Variants in CCT3 observed in about 807,000 individuals in gnomAD.
The protein encoded by CCT3 is T-complex protein 1 subunit gamma.
Under a neutral mutation model 65.3 loss-of-function variants are expected in CCT3, and 10 were observed. The ratio of observed to expected loss-of-function variants is 0.15; its 90% CI spans 0.09 to 0.26. The LOEUF (loss-of-function observed/expected upper bound fraction) is 0.26. Among genes scored for constraint, CCT3 ranks in the 10% least tolerant of loss-of-function variants. CCT3 has a pLI of 1.00. For synonymous variants in CCT3, 225 were observed against 242.3 expected (o/e 0.93, Z 0.66); for missense variants, 626 against 708.7 (o/e 0.88, Z 1.33).
Position 156,322,524 on chromosome 1 carries a change from A to T in CCT3, c.423-1499T>A, listed in dbSNP as rs1008720097. On this transcript the variant is annotated intron_variant, in intron 6 of 13. Coordinates refer to ENST00000295688, the MANE Select transcript of CCT3 (RefSeq NM_005998.5). ...CCAAAAAAATTTTTTTAATAAGATT[A>T]AAGTGTTCTAGGTAGGCAGTTATTA... 2.0e-5 allele frequency among the ~76,000 whole-genome samples: 3 copies of T among 152,010 alleles called. No homozygotes were observed. The East Asian group carries it at 5.8e-4, about 29-fold the overall frequency.
At chr1:156,329,743 A>G (rs1665028620) in intron 5 of CCT3, among the ~76,000 whole-genome samples, 1 of 150,284 alleles carries the variant, frequency 6.7e-6, no homozygotes, top group Non-Finnish European at 1.5e-5. Context: ...GTTTGAGACC[A>G]GCCTGACCAA....
intron 8 of CCT3, 111 bp downstream of exon 8, chr1:156,318,757 T>C (rs1007089615): frequency 8.2e-6 from 8 of 972,858 alleles, no homozygotes; most frequent in Non-Finnish European, 1.2e-5. Flanking sequence ...TAAGAGTCAG[T>C]GTACACTATG....
In CCT3 at chr1:156,319,034, T is replaced by C. The variant is rs1212076247; in HGVS notation, c.610-17A>G. The C allele has an allele frequency of 6.3e-7, 1 of 1,580,370 alleles. No individual in the cohort carries two copies. Among genetic ancestry groups the C allele is most frequent in the East Asian group, 2.3e-5 (1 of 44,210 alleles). On this transcript the variant is annotated splice_polypyrimidine_tract_variant and intron_variant, in intron 7 of 13. Transcript: ENST00000295688. ...TCCAGGTATCTGAACAAAAGACAAC[T>C]GCACTTTAATCCACAATCAAGAGAC... is the stretch of plus-strand genomic sequence containing the variant.
At chr1:156,318,755 A>C in intron 8 of CCT3, 113 bp downstream of exon 8, 1 of 915,174 alleles carries the variant, frequency 1.1e-6, no homozygotes, top group East Asian at 2.5e-5. Context: ...TCTAAGAGTC[A>C]GTGTACACTA....
In CCT3 at chr1:156,333,550, G is replaced by A. The variant is rs758567298; in HGVS notation, c.301C>T (p.Leu101Phe). The A allele has an allele frequency of 1.2e-6, 2 of 1,611,726 alleles. No homozygotes were observed. The highest frequency in any genetic ancestry group is 4.5e-5 in the East Asian group (2 of 44,864). Residue 101 changes from leucine to phenylalanine, a missense_variant, in exon 5 of 14, where the codon CTT (leucine) becomes TTT (phenylalanine). Coordinates refer to ENST00000295688, the MANE Select transcript of CCT3 (RefSeq NM_005998.5). ...CAACCTCTTATTCTCCTCTTACCAA[G>A]AATAATTACTGATGTGGTCCCATCT... ...VGDGTTSVIILAGEMLSVAEH... is the reference protein window; with the variant it reads ...VGDGTTSVIIFAGEMLSVAEH...
At chr1:156,324,618 T>A (rs1041899250) in intron 6 of CCT3, among the ~76,000 whole-genome samples, 6 of 151,854 alleles carry the variant, frequency 4.0e-5, no homozygotes, top group Non-Finnish European at 8.8e-5. Flanking sequence ...ATTACAGGTG[T>A]GCGCCACCAT....
chr1:156,335,387 T>C (rs1434611365), intron 2 of CCT3: 1 of 181,988 alleles, frequency 5.5e-6, no homozygotes, highest in Non-Finnish European at 1.1e-5. Context: ...GTCCATGTCT[T>C]AGTATTTCTT....
At position 156,308,991 on chromosome 1, in the gene CCT3, C is replaced by T. The variant is rs1558262245; in HGVS notation, c.*208G>A. The T allele has an allele frequency of 4.3e-6, 2 of 464,936 alleles. No homozygotes were observed. Among genetic ancestry groups the T allele is most frequent in the African/African-American group, 2.0e-5 (1 of 50,898 alleles). The allele number at this position is 464,936 out of a possible 1,614,324, so 28.8% of individuals were successfully genotyped here. A position where few individuals can be genotyped will look rare whatever the true frequency, so the allele number is the denominator to read the frequency against. ...TCTCAAATGACTTAGATTTAATCAT[C>T]GGAAGCAAACTAAATGGAAACCTTA... is the stretch of plus-strand genomic sequence containing the variant. On this transcript the variant is annotated 3_prime_UTR_variant, in exon 14 of 14. Coordinates refer to ENST00000295688, the MANE Select transcript of CCT3 (RefSeq NM_005998.5).
At chr1:156,323,848 C>T (rs1175257735) in intron 6 of CCT3, among the ~76,000 whole-genome samples, 1 of 150,190 alleles carries the variant, frequency 6.7e-6, no homozygotes, top group Non-Finnish European at 1.5e-5. Flanking sequence ...CCACAAACTC[C>T]GCCTCCCGGG....
intron 5 of CCT3, among the ~76,000 whole-genome samples, chr1:156,327,438 G>A (rs1339448343): frequency 2.0e-5 from 3 of 152,032 alleles, no homozygotes; most frequent in African/African-American, 4.8e-5. Context: ...TTGCAGGCGC[G>A]CGCCGCCACG....
intron 7 of CCT3, among the ~76,000 whole-genome samples, chr1:156,319,905 T>C (rs1247169247): frequency 2.0e-5 from 3 of 152,174 alleles, no homozygotes; most frequent in African/African-American, 7.2e-5. Context: ...AGAGCCCTTG[T>C]TAAGCTTATA....
In CCT3 at chr1:156,333,528, C is replaced by T; in HGVS notation, c.304+19G>A. On this transcript the variant is annotated intron_variant, in intron 5 of 13. Transcript: ENST00000295688. ...GTTACTTCTAATTTTTCCTTATCAA[C>T]CTCTTATTCTCCTCTTACCAAGAAT... 1 of 1,578,840 alleles carries T rather than the reference C, an allele frequency of 6.3e-7. No homozygotes were observed. The highest frequency in any genetic ancestry group is 8.7e-7 in the Non-Finnish European group (1 of 1,148,672).
chr1:156,323,889 A>T lies in CCT3; in HGVS notation c.422+1083T>A, dbSNP rs1277383998. ...GTGATTCTCCTGCTTCAGCCCCCCG[A>T]GTAGCTGGGATTACAGGCGCATGCA... On this transcript the variant is annotated intron_variant, in intron 6 of 13. Coordinates refer to ENST00000295688, the MANE Select transcript of CCT3 (RefSeq NM_005998.5). Among the ~76,000 whole-genome samples the T allele has an allele frequency of 3.9e-5, 6 of 151,938 alleles. No homozygotes were observed. In the East Asian group the frequency reaches 1.2e-3, roughly 29 times the overall value.
In CCT3 at chr1:156,309,181, A is replaced by G. The variant is rs770982440; in HGVS notation, c.*18T>C. 9 of 1,514,534 alleles carry G rather than the reference A, an allele frequency of 5.9e-6. No individual in the cohort carries two copies. The Admixed American group carries it at 8.4e-5, about 14-fold the overall frequency. The allele number at this position is 1,514,534 out of a possible 1,614,324, so 93.8% of individuals were successfully genotyped here. On this transcript the variant is annotated 3_prime_UTR_variant, in exon 14 of 14. Transcript: ENST00000295688. ...AGACTCTGCTGGTTCTGTGCATTGA[A>G]GTAGCCTTGCCTAGCACTCACTCCT...
intron 10 of CCT3, among the ~76,000 whole-genome samples, chr1:156,313,659 T>C (rs988503867): frequency 6.6e-6 from 1 of 152,244 alleles, no homozygotes; most frequent in African/African-American, 2.4e-5. Flanking sequence ...AGGGACTGCC[T>C]TTTAAAGTGC....
In CCT3 at chr1:156,317,250, A is replaced by G. The variant is rs369593543; in HGVS notation, c.893-3T>C. 127 of 1,613,940 alleles carry G rather than the reference A, an allele frequency of 7.9e-5. No individual in the cohort carries two copies. The highest frequency in any genetic ancestry group is 1.5e-4 in the Admixed American group (9 of 60,012). ...CATAAGGTAGTGCTGAGCTAAATCT[A>G]CAAATCCAAGAGTAGAGATGTCAAG... On this transcript the variant is annotated splice_region_variant and splice_polypyrimidine_tract_variant and intron_variant, in intron 9 of 13. Coordinates refer to ENST00000295688, the MANE Select transcript of CCT3 (RefSeq NM_005998.5).
At chr1:156,322,145 G>C (rs1377632193) in intron 6 of CCT3, among the ~76,000 whole-genome samples, 3 of 152,190 alleles carry the variant, frequency 2.0e-5, no homozygotes, top group African/African-American at 7.2e-5. Flanking sequence ...GGAAGCTGGG[G>C]CAGGATTGCT....
In CCT3 at chr1:156,317,155, G is replaced by T; in HGVS notation, c.974+11C>A. The T allele has an allele frequency of 1.2e-6, 2 of 1,610,470 alleles. No homozygotes were observed. The highest frequency in any genetic ancestry group is 1.7e-6 in the Non-Finnish European group (2 of 1,176,704). On this transcript the variant is annotated intron_variant, in intron 10 of 13. Transcript: ENST00000295688. The stretch of plus-strand genomic sequence containing the variant: ...GGGAAGAAAAGTCTTGTTTTTACCT[G>T]GCCTACTCACCTAGCAATGCGATTA...
chr1:156,312,359 G>A (rs1044468525), intron 10 of CCT3, 138 bp from the exon 11 acceptor site: 21 of 693,562 alleles, frequency 3.0e-5, no homozygotes, highest in Admixed American at 1.7e-4. Context: ...TTGCCTGTCC[G>A]GTGAAAAAGA....
Sources: gnomAD v4.1 joint callset for allele counts (sites outside exome capture counted in the v4.1 genomes callset) on GRCh38, gnomAD v4.1.1 for gene constraint, MANE v1.5 for transcripts, NCBI Gene and HGNC (gene_info 2026-07-23, HGNC 2026-07-21) for gene names.